The following MACROH2A2 variants were observed in gnomAD, a reference collection of about 807,000 sequenced individuals.
The protein encoded by MACROH2A2 is core histone macro-H2A.2.
MACROH2A2 carries 6 observed loss-of-function variants against 37.6 expected under a neutral mutation model. The observed-to-expected ratio is 0.16, with a 90% confidence interval of 0.09 to 0.32. The LOEUF (loss-of-function observed/expected upper bound fraction) is 0.32, where lower values mean the gene tolerates loss of function less well. Ranked by LOEUF, MACROH2A2 falls within the 10% of genes least tolerant of loss-of-function variation. The pLI is 1.00. For synonymous variants in MACROH2A2, 192 were observed against 202.7 expected (o/e 0.95, Z 0.45); for missense variants, 290 against 485.9 (o/e 0.60, Z 3.79).
chr10:70,055,586 C>T (rs1589828862), intron 1 of MACROH2A2, among the ~76,000 whole-genome samples: 1 of 152,106 alleles, frequency 6.6e-6, no homozygotes, highest in East Asian at 1.9e-4. Context: ...TCTCATAAAG[C>T]TTACAACCCC....
In MACROH2A2 at chr10:70,075,992, C is replaced by T. The variant is rs1405787331; in HGVS notation, c.172+162C>T. On this transcript the variant is annotated intron_variant, in intron 2 of 8. Coordinates refer to ENST00000373255, the MANE Select transcript of MACROH2A2 (RefSeq NM_018649.3). The surrounding 1 kb of genome is among the most constrained non-coding windows in gnomAD (Gnocchi z 5.0). ...AACTGGCCTGCTTGGCTAAAATCAACTTCTGCAGACTTTAGGGGAGAGAAG... is the reference window on the plus strand; with the variant it reads ...AACTGGCCTGCTTGGCTAAAATCAATTTCTGCAGACTTTAGGGGAGAGAAG... Among the ~76,000 whole-genome samples, 1 of 152,126 alleles carries T rather than the reference C, an allele frequency of 6.6e-6. No individual in the cohort carries two copies. The highest frequency in any genetic ancestry group is 2.4e-5 in the African/African-American group (1 of 41,412).
At position 70,109,093 on chromosome 10, in the gene MACROH2A2, A is replaced by G; in HGVS notation, c.839A>G (p.Gln280Arg). The change falls in exon 8 of 9, where the codon CAG becomes CGG. Residue 280 changes from glutamine to arginine, a missense_variant. Gln to Arg is a conservative substitution (Grantham distance 43). Transcript: ENST00000373255. Reference protein sequence around the residue: ...AKFVIHCHIPQWGSDKCEEQL... With the variant: ...AKFVIHCHIPRWGSDKCEEQL... Reference sequence around the variant, plus strand: ...TTTGTCATCCACTGTCACATCCCTCAGTGGGGCTCCGACAAATGTGAAGAA... The same window carrying G: ...TTTGTCATCCACTGTCACATCCCTCGGTGGGGCTCCGACAAATGTGAAGAA... The G allele has an allele frequency of 6.2e-7, 1 of 1,614,112 alleles. No homozygotes were observed. Among genetic ancestry groups the G allele is most frequent in the Non-Finnish European group, 8.5e-7 (1 of 1,179,946 alleles).
At chr10:70,085,601 G>A (rs910553175) in intron 2 of MACROH2A2, among the ~76,000 whole-genome samples, 7 of 152,088 alleles carry the variant, frequency 4.6e-5, no homozygotes, top group Admixed American at 4.6e-4. Flanking sequence ...CAAAATGAAG[G>A]GACATAGACT....
intron 2 of MACROH2A2, among the ~76,000 whole-genome samples, chr10:70,081,811 A>G (rs2072178258): frequency 6.6e-6 from 1 of 152,162 alleles, no homozygotes; most frequent in African/African-American, 2.4e-5. Flanking sequence ...AGTAAAAATA[A>G]TTTAATTGTA....
intron 6 of MACROH2A2, among the ~76,000 whole-genome samples, chr10:70,097,926 TA>T (rs59535770): frequency 0.079 from 12,031 of 151,824 alleles, 620 homozygotes; most frequent in East Asian, 0.23. Flanking sequence ...CTGGACAATA[TA>T]AGTGGGACCC....
intron 1 of MACROH2A2, among the ~76,000 whole-genome samples, chr10:70,059,376 CT>C (rs34193972): frequency 0.24 from 33,641 of 143,116 alleles, 3,798 homozygotes; most frequent in Admixed American, 0.34. Flanking sequence ...AGTATAATTT[CT>C]TTTTTTTTTT....
intron 7 of MACROH2A2, among the ~76,000 whole-genome samples, chr10:70,102,776 A>G (rs1198046430): frequency 6.6e-6 from 1 of 152,150 alleles, no homozygotes; most frequent in Non-Finnish European, 1.5e-5. Context: ...TCCAGAAAGA[A>G]CAAGAGCCCA....
intron 2 of MACROH2A2, among the ~76,000 whole-genome samples, chr10:70,081,259 G>A (rs539715982): frequency 6.6e-6 from 1 of 152,136 alleles, no homozygotes; most frequent in East Asian, 1.9e-4. Context: ...GCTTAGCACC[G>A]CTCGGCACAC....
At chr10:70,065,614 A>T (rs2072074826) in intron 1 of MACROH2A2, among the ~76,000 whole-genome samples, 1 of 152,188 alleles carries the variant, frequency 6.6e-6, no homozygotes, top group African/African-American at 2.4e-5. Context: ...CCTGAGAACA[A>T]AAAGAGCTCT....
At chr10:70,109,573 T>C (rs1477229938) in intron 8 of MACROH2A2, among the ~76,000 whole-genome samples, 1 of 152,186 alleles carries the variant, frequency 6.6e-6, no homozygotes, top group Non-Finnish European at 1.5e-5. Context: ...CCAGGACACA[T>C]GATCAGAAAA....
intron 1 of MACROH2A2, among the ~76,000 whole-genome samples, chr10:70,062,541 T>C (rs1052273256): frequency 1.3e-5 from 2 of 152,234 alleles, no homozygotes; most frequent in African/African-American, 2.4e-5. Context: ...TTTAAAATAA[T>C]GTATGATGAA....
chr10:70,060,347 G>T (rs531301729), intron 1 of MACROH2A2, among the ~76,000 whole-genome samples: 1 of 151,976 alleles, frequency 6.6e-6, no homozygotes, highest in Non-Finnish European at 1.5e-5. Context: ...TCCAGCCTGG[G>T]CGACAGAGCC....
intron 2 of MACROH2A2, among the ~76,000 whole-genome samples, chr10:70,078,857 GGTTT>G (rs79162410): frequency 0.029 from 4,413 of 152,098 alleles, 220 homozygotes; most frequent in East Asian, 0.14. Flanking sequence ...TCTGTTTTTT[GGTTT>G]GTTTGTTTTT....
chr10:70,059,945 C>T (rs929067243), intron 1 of MACROH2A2, among the ~76,000 whole-genome samples: 2 of 152,100 alleles, frequency 1.3e-5, no homozygotes, highest in East Asian at 3.9e-4. Flanking sequence ...TACAATGTGC[C>T]GGGGCCCAGG....
At chr10:70,091,336 C>A (rs1021147162) in intron 3 of MACROH2A2, among the ~76,000 whole-genome samples, 1 of 152,230 alleles carries the variant, frequency 6.6e-6, no homozygotes, top group Non-Finnish European at 1.5e-5. Flanking sequence ...TGGTGTATTA[C>A]GCAGTTTCTT....
rs1329021644 is a variant in MACROH2A2, at chr10:70,053,315, C to T, written c.-60+315C>T. On this transcript the variant is annotated intron_variant, in intron 1 of 8. Transcript: ENST00000373255. This position sits in a 1 kb window ranked among gnomAD's most constrained non-coding sequence, Gnocchi z 4.8. ...GGGATGCGAGGTTCAGCAGCGGGCC[C>T]CAGGCGAGGCTGGACCCGGAGGAAG... is the stretch of plus-strand genomic sequence containing the variant. Among the ~76,000 whole-genome samples, 1 of 152,026 alleles carries T rather than the reference C, an allele frequency of 6.6e-6. No homozygotes were observed. The highest frequency in any genetic ancestry group is 1.5e-5 in the Non-Finnish European group (1 of 67,974).
intron 1 of MACROH2A2, among the ~76,000 whole-genome samples, chr10:70,070,999 A>ATGTGTG (rs60976509): frequency 1.1e-4 from 17 of 149,006 alleles, no homozygotes; most frequent in African/African-American, 4.2e-4. Context: ...GTGCATGTGC[A>ATGTGTG]TGTGTGTGTG....
At chr10:70,056,552 G>A (rs2072018626) in intron 1 of MACROH2A2, among the ~76,000 whole-genome samples, 1 of 152,114 alleles carries the variant, frequency 6.6e-6, no homozygotes, top group African/African-American at 2.4e-5. Context: ...AATACATAAC[G>A]ATATACACAA....
chr10:70,080,279 C>CA (rs35056111), intron 2 of MACROH2A2, among the ~76,000 whole-genome samples: 1,464 of 112,514 alleles, frequency 0.013, 19 homozygotes, highest in African/African-American at 0.038. Context: ...AACTCCATCT[C>CA]AAAAAAAAAA....
Sources: allele counts gnomAD v4.1 joint callset (sites outside exome capture counted in the v4.1 genomes callset), GRCh38; gene constraint gnomAD v4.1.1; non-coding constraint Gnocchi (gnomAD v3.1); transcripts MANE v1.5; gene names NCBI Gene and HGNC (gene_info 2026-07-23, HGNC 2026-07-21).